The following RNF180 variants were observed in gnomAD, a reference collection of about 807,000 sequenced individuals.
RNF180 encodes the protein ring finger protein 180.
RNF180 carries 38 observed loss-of-function variants against 59.2 expected under a neutral mutation model. That is an observed-to-expected ratio of 0.64 (90% confidence interval 0.50 to 0.84). The LOEUF (loss-of-function observed/expected upper bound fraction) is 0.84, where lower values mean the gene tolerates loss of function less well. RNF180 is among the 40% of genes least tolerant of loss of function. The pLI is 0.00. For synonymous variants in RNF180, 262 were observed against 240.3 expected (o/e 1.09, Z -0.84); for missense variants, 705 against 700.9 (o/e 1.01, Z -0.07).
intron 5 of RNF180, among the ~76,000 whole-genome samples, chr5:64,235,950 C>A (rs1471684977): frequency 6.6e-6 from 1 of 152,130 alleles, no homozygotes; most frequent in Non-Finnish European, 1.5e-5. Flanking sequence ...TTACCCAGTC[C>A]CAGGTAGTAC....
chr5:64,201,693 A>G (rs1751756594), intron 2 of RNF180, among the ~76,000 whole-genome samples: 1 of 152,230 alleles, frequency 6.6e-6, no homozygotes, highest in Non-Finnish European at 1.5e-5. Flanking sequence ...CAAATTAGCT[A>G]GTCTAAACTG....
At chr5:64,341,108 A>G (rs1418284344) in intron 7 of RNF180, among the ~76,000 whole-genome samples, 1 of 152,180 alleles carries the variant, frequency 6.6e-6, no homozygotes. Flanking sequence ...TGCATTTATA[A>G]AAGTGCACAT....
chr5:64,190,271 C>T (rs574969907), intron 1 of RNF180, among the ~76,000 whole-genome samples: 1 of 152,310 alleles, frequency 6.6e-6, no homozygotes, highest in African/African-American at 2.4e-5. Flanking sequence ...AACCTGTCAT[C>T]CCTTTCTTTG....
intron 2 of RNF180, among the ~76,000 whole-genome samples, chr5:64,207,409 C>A (rs1486359502): frequency 1.3e-5 from 2 of 151,880 alleles, no homozygotes; most frequent in East Asian, 3.9e-4. Context: ...GTTCAAAGGC[C>A]CTGTGGTGGA....
chr5:64,184,374 C>CT (rs563651885), intron 1 of RNF180, among the ~76,000 whole-genome samples: 1 of 151,908 alleles, frequency 6.6e-6, no homozygotes. Flanking sequence ...ACTTTATTAT[C>CT]TTTTTTTTCT....
At chr5:64,339,755 A>G (rs2112560862) in intron 7 of RNF180, among the ~76,000 whole-genome samples, 1 of 152,258 alleles carries the variant, frequency 6.6e-6, no homozygotes, top group South Asian at 2.1e-4. Context: ...TTCCAGCCAA[A>G]GAAGCTTGTA....
At chr5:64,351,046 G>A (rs1428020802) in intron 7 of RNF180, among the ~76,000 whole-genome samples, 5 of 151,938 alleles carry the variant, frequency 3.3e-5, no homozygotes, top group Non-Finnish European at 7.4e-5. Context: ...CATGAGCATG[G>A]AATGTTCTTC....
intron 7 of RNF180, among the ~76,000 whole-genome samples, chr5:64,362,618 T>G (rs1746301003): frequency 6.6e-6 from 1 of 151,874 alleles, no homozygotes; most frequent in South Asian, 2.1e-4. Flanking sequence ...ACGGGATTGC[T>G]GGGGTCGAAT....
Position 64,187,503 on chromosome 5 carries a change from CCAA to C in RNF180, c.1-13301_1-13299del, listed in dbSNP as rs1213806960. Reference sequence around the variant, plus strand: ...TGTTCAAACACAGAAGTATGTAACACCAACAATTATTTAAGAAGACTGTGGTCT... The same window carrying C: ...TGTTCAAACACAGAAGTATGTAACACCAATTATTTAAGAAGACTGTGGTCT... On this transcript the variant is annotated intron_variant, in intron 1 of 7. Transcript: ENST00000389100. Among the ~76,000 whole-genome samples, 4 of 152,256 alleles carry C rather than the reference CCAA, an allele frequency of 2.6e-5. No homozygotes were observed. The East Asian group carries it at 7.7e-4, about 29-fold the overall frequency.
intron 5 of RNF180, among the ~76,000 whole-genome samples, chr5:64,260,502 G>T (rs1355963246): frequency 6.6e-6 from 1 of 152,152 alleles, no homozygotes. Flanking sequence ...ATCTGAGTAG[G>T]TCATGTTACT....
chr5:64,192,357 G>A (rs540310633), intron 1 of RNF180, among the ~76,000 whole-genome samples: 4 of 151,964 alleles, frequency 2.6e-5, no homozygotes, highest in Non-Finnish European at 5.9e-5. Flanking sequence ...TGGGAATATC[G>A]AATGGTGTAG....
At chr5:64,360,739 ATGG>A (rs899791022) in intron 7 of RNF180, among the ~76,000 whole-genome samples, 6 of 151,810 alleles carry the variant, frequency 4.0e-5, no homozygotes, top group Admixed American at 2.0e-4. Flanking sequence ...ACTGTCATAG[ATGG>A]TGGCAGAAGA....
chr5:64,202,958 C>CT (rs1211484492), intron 2 of RNF180, among the ~76,000 whole-genome samples: 1 of 152,214 alleles, frequency 6.6e-6, no homozygotes, highest in Non-Finnish European at 1.5e-5. Context: ...TGCTCATAAC[C>CT]TCCACACTCT....
Position 64,332,327 on chromosome 5 carries a change from A to G in RNF180, c.1579+1921A>G, listed in dbSNP as rs544600303. ...TAATGCGTTCATTAGCAGAAGCTCT[A>G]TTTATTTAGTTTTAATATTTTATAG... On this transcript the variant is annotated intron_variant, in intron 7 of 7. Coordinates refer to ENST00000389100, the MANE Select transcript of RNF180 (RefSeq NM_001113561.2). Among the ~76,000 whole-genome samples, 356 of 152,328 alleles carry G rather than the reference A, an allele frequency of 2.3e-3. 4 individuals carry two copies. Among genetic ancestry groups the G allele is most frequent in the Middle Eastern group, 0.01 (3 of 294 alleles).
intron 7 of RNF180, among the ~76,000 whole-genome samples, chr5:64,348,357 C>T (rs1745636446): frequency 6.6e-6 from 1 of 151,970 alleles, no homozygotes; most frequent in East Asian, 1.9e-4. Context: ...TTGAAAAAGC[C>T]TTGAGTTCAC....
chr5:64,214,015 G>A lies in RNF180; in HGVS notation c.689G>A (p.Ser230Asn). ...ATRAFHRKSH[S>N]LDLNISEKLT... ...AGAGCTTTTCATAGAAAATCACATA[G>A]TTTGGATCTGAACATCAGTGAGAAA... The change falls in exon 4 of 8, where the codon AGT becomes AAT. Residue 230 changes from serine (S) to asparagine (N), a missense_variant. By Grantham distance (46) the Ser-to-Asn change is conservative (BLOSUM62 1). Transcript: ENST00000389100. 6.2e-7 allele frequency: 1 copy of A among 1,614,116 alleles called. No homozygotes were observed. Among genetic ancestry groups the A allele is most frequent in the Non-Finnish European group, 8.5e-7 (1 of 1,180,016 alleles).
intron 5 of RNF180, among the ~76,000 whole-genome samples, chr5:64,322,597 A>G (rs1389063284): frequency 8.8e-6 from 1 of 113,934 alleles, no homozygotes; most frequent in Non-Finnish European, 1.8e-5. Flanking sequence ...CGGAATATAT[A>G]TATACGTGTG....
chr5:64,193,088 C>T (rs2112014362), intron 1 of RNF180, among the ~76,000 whole-genome samples: 1 of 151,634 alleles, frequency 6.6e-6, no homozygotes, highest in South Asian at 2.1e-4. Flanking sequence ...GATAGTCAAA[C>T]TCATAGATGC....
At position 64,213,832 on chromosome 5, in the gene RNF180, C is replaced by G; in HGVS notation, c.506C>G (p.Ala169Gly). 1 of 1,614,058 alleles carries G rather than the reference C, an allele frequency of 6.2e-7. No homozygotes were observed. Among genetic ancestry groups the G allele is most frequent in the Non-Finnish European group, 8.5e-7 (1 of 1,180,000 alleles). ...AGAAATCACAGGCTTTTAAACATGG[C>G]CCGAAATAATAATGACCCTGGAAGA... ...ENRNHRLLNM[A>G]RNNNDPGRLT... is the part of the protein sequence containing the mutation. Residue 169 changes from alanine to glycine, a missense_variant, in exon 4 of 8, where the codon GCC becomes GGC. By Grantham distance (60) the Ala-to-Gly change is moderately conservative. Coordinates refer to ENST00000389100, the MANE Select transcript of RNF180 (RefSeq NM_001113561.2).
Sources: allele counts gnomAD v4.1 joint callset (sites outside exome capture counted in the v4.1 genomes callset), GRCh38; gene constraint gnomAD v4.1.1; transcripts MANE v1.5; gene names NCBI Gene and HGNC (gene_info 2026-07-23, HGNC 2026-07-21).